PDE4D: variants seen among roughly 807,000 people sequenced by gnomAD.
PDE4D encodes the protein phosphodiesterase 4D.
A neutral mutation model predicts 87.4 loss-of-function variants in PDE4D; 24 were observed. The observed-to-expected ratio is 0.27, with a 90% CI of 0.20 to 0.39. The LOEUF (loss-of-function observed/expected upper bound fraction) is 0.39. PDE4D is among the 10% of genes least tolerant of loss of function. The pLI is 1.00. For missense variants in PDE4D, 714 were observed against 1,041.0 expected (o/e 0.69, Z 4.32); for synonymous variants, 384 against 383.2 (o/e 1.00, Z -0.02).
At chr5:60,271,061 T>C (rs971494901) in intron 1 of PDE4D, among the ~76,000 whole-genome samples, 1 of 152,192 alleles carries the variant, frequency 6.6e-6, no homozygotes, top group Non-Finnish European at 1.5e-5. Context: ...TTATTTTCTA[T>C]AGCCACCTTT....
chr5:60,143,048 T>C (rs1005317103), intron 2 of PDE4D, among the ~76,000 whole-genome samples: 11 of 152,180 alleles, frequency 7.2e-5, no homozygotes, highest in Non-Finnish European at 1.5e-4. Context: ...GAAGAAAAAG[T>C]CAAAGATGTC....
chr5:59,268,929 T>C (rs567074424), intron 1 of PDE4D, among the ~76,000 whole-genome samples: 2 of 152,232 alleles, frequency 1.3e-5, no homozygotes, highest in South Asian at 4.1e-4. Context: ...TGACTAACCA[T>C]TCGTATACTC....
At chr5:60,485,120 T>A (rs3763059) in intron 1 of PDE4D, among the ~76,000 whole-genome samples, 227 of 152,154 alleles carry the variant, frequency 1.5e-3, no homozygotes, top group African/African-American at 5.4e-3. Context: ...GCTCCTCTTC[T>A]ACCAGTGTCT....
intron 1 of PDE4D, among the ~76,000 whole-genome samples, chr5:60,439,097 T>C (rs1216193418): frequency 6.6e-6 from 1 of 152,058 alleles, no homozygotes; most frequent in African/African-American, 2.4e-5. Flanking sequence ...AAAAGAACAA[T>C]GCGTCCCCGA....
At chr5:59,213,200 T>C (rs961404838) in intron 2 of PDE4D, among the ~76,000 whole-genome samples, 1 of 151,248 alleles carries the variant, frequency 6.6e-6, no homozygotes, top group South Asian at 2.1e-4. Flanking sequence ...TGTCTTCCTC[T>C]GTCACCCAGG....
intron 2 of PDE4D, among the ~76,000 whole-genome samples, chr5:60,129,637 T>G (rs572617706): frequency 1.3e-5 from 2 of 152,196 alleles, no homozygotes; most frequent in African/African-American, 4.8e-5. Flanking sequence ...AACAAAAAAT[T>G]TCAAAATACC....
intron 1 of PDE4D, among the ~76,000 whole-genome samples, chr5:60,290,465 T>C (rs754468781): frequency 5.3e-5 from 8 of 152,132 alleles, no homozygotes; most frequent in Non-Finnish European, 8.8e-5. Flanking sequence ...GAATAACCCA[T>C]ACTTGAAAAA....
rs545524379 is a variant in PDE4D, at chr5:59,223,243, A to G, written c.456-7275T>C. On this transcript the variant is annotated intron_variant, in intron 1 of 14. Coordinates refer to ENST00000340635, the MANE Select transcript of PDE4D (RefSeq NM_001104631.2). ...TATTACTCACTGAGGAGAAAGAATAATTTCCTACCAGGAAGTGTGGAAGGC... is the reference window on the plus strand; with the variant it reads ...TATTACTCACTGAGGAGAAAGAATAGTTTCCTACCAGGAAGTGTGGAAGGC... Among the ~76,000 whole-genome samples, 34 of 152,286 alleles carry G rather than the reference A, an allele frequency of 2.2e-4. 1 individual carries two copies. Among genetic ancestry groups the G allele is most frequent in the African/African-American group, 7.5e-4 (31 of 41,546 alleles).
intron 1 of PDE4D, among the ~76,000 whole-genome samples, chr5:59,752,780 C>G (rs1477832907): frequency 6.6e-6 from 1 of 152,062 alleles, no homozygotes; most frequent in Non-Finnish European, 1.5e-5. Flanking sequence ...GTTGAGCAAC[C>G]CTGCTCTAGA....
chr5:59,908,034 A>T (rs567689302), intron 3 of PDE4D, among the ~76,000 whole-genome samples: 2 of 152,118 alleles, frequency 1.3e-5, no homozygotes, highest in South Asian at 4.1e-4. Flanking sequence ...TATTACAGTT[A>T]TTTGCACTGA....
intron 2 of PDE4D, among the ~76,000 whole-genome samples, chr5:60,107,440 C>A (rs1777116010): frequency 6.6e-6 from 1 of 152,174 alleles, no homozygotes; most frequent in Non-Finnish European, 1.5e-5. Context: ...CAAGGAGGAG[C>A]TGCTACCATT....
At chr5:59,837,285 C>T (rs62370543) in intron 1 of PDE4D, among the ~76,000 whole-genome samples, 4,653 of 152,178 alleles carry the variant, frequency 0.031, 113 homozygotes, top group Middle Eastern at 0.075. Context: ...ACCCCCTGTC[C>T]AGTGTCTAGC....
rs1220466396 is a variant in PDE4D, at chr5:58,972,642, ATTC to A, written c.*2019_*2021del. 6.6e-6 allele frequency: 1 copy of A among 152,118 alleles called. No individual in the cohort carries two copies. Among genetic ancestry groups the A allele is most frequent in the African/African-American group, 2.4e-5 (1 of 41,416 alleles). The allele number at this position is 152,118 out of a possible 1,614,324, so 9.4% of individuals were successfully genotyped here. A position where few individuals can be genotyped will look rare whatever the true frequency, so the allele number is the denominator to read the frequency against. On this transcript the variant is annotated 3_prime_UTR_variant, in exon 15 of 15. Coordinates refer to ENST00000340635, the MANE Select transcript of PDE4D (RefSeq NM_001104631.2). ...CCCACTTTGGCTTCTATCTATCTCA[ATTC>A]TTGAATATCAATGTGAAAAATGATT...
chr5:59,016,135 A>T (rs1197385663), intron 6 of PDE4D, among the ~76,000 whole-genome samples: 1 of 152,050 alleles, frequency 6.6e-6, no homozygotes, highest in Non-Finnish European at 1.5e-5. Flanking sequence ...TTGTGGGGTG[A>T]GGGGAGTGGG....
intron 1 of PDE4D, among the ~76,000 whole-genome samples, chr5:60,319,017 T>A (rs1480254947): frequency 6.6e-6 from 1 of 152,218 alleles, no homozygotes; most frequent in African/African-American, 2.4e-5. Context: ...ATTTCCTGAA[T>A]TTGAATGTTG....
rs532343433 is a variant in PDE4D, at chr5:59,008,926, A to C, written c.922-15461T>G. Among the ~76,000 whole-genome samples the C allele has an allele frequency of 3.0e-4, 45 of 152,236 alleles. 3 individuals are homozygous for C. The South Asian group carries it at 8.7e-3, about 29-fold the overall frequency. ...GATGGTCAAAAGATTTGAACAAACA[A>C]ACACTTCATAAGAATCAAAAAGATC... On this transcript the variant is annotated intron_variant, in intron 6 of 14. Transcript: ENST00000340635.
chr5:59,062,115 G>T (rs1229957700), intron 5 of PDE4D, among the ~76,000 whole-genome samples: 1 of 152,102 alleles, frequency 6.6e-6, no homozygotes, highest in Non-Finnish European at 1.5e-5. Context: ...CCTGGAATCG[G>T]CTGATCAGAA....
chr5:59,312,446 A>G (rs1772882045), intron 1 of PDE4D, among the ~76,000 whole-genome samples: 1 of 152,188 alleles, frequency 6.6e-6, no homozygotes, highest in African/African-American at 2.4e-5. Flanking sequence ...AAGCGGGAAT[A>G]TGGGCCAGGA....
Position 59,060,130 on chromosome 5 carries a change from T to C in PDE4D, c.809-21159A>G. ...ATCTGCCTGTATTTATTGTTTTCTCTTTCCTACTGGCTAGAATGTGAAGTT... is the reference window on the plus strand; with the variant it reads ...ATCTGCCTGTATTTATTGTTTTCTCCTTCCTACTGGCTAGAATGTGAAGTT... On this transcript the variant is annotated intron_variant, in intron 5 of 14. Coordinates refer to ENST00000340635, the MANE Select transcript of PDE4D (RefSeq NM_001104631.2). 1.3e-5 allele frequency among the ~76,000 whole-genome samples: 2 copies of C among 152,180 alleles called. 1 individual carries two copies. Among genetic ancestry groups the C allele is most frequent in the Middle Eastern group, 6.3e-3 (2 of 316 alleles).
Sources: gnomAD v4.1 joint callset for allele counts (sites outside exome capture counted in the v4.1 genomes callset) on GRCh38, gnomAD v4.1.1 for gene constraint, MANE v1.5 for transcripts, NCBI Gene and HGNC (gene_info 2026-07-23, HGNC 2026-07-21) for gene names.